The following OXNAD1 variants were observed in gnomAD, a reference collection of about 807,000 sequenced individuals.
OXNAD1 encodes the protein oxidoreductase NAD-binding domain-containing protein 1.
A neutral mutation model predicts 32.9 loss-of-function variants in OXNAD1; 34 were observed. The observed-to-expected ratio is 1.03, with a 90% CI of 0.79 to 1.38. The LOEUF (loss-of-function observed/expected upper bound fraction) is 1.38, where lower values mean the gene tolerates loss of function less well. Among genes scored for constraint, OXNAD1 ranks in the 40% most tolerant of loss-of-function variants. The pLI, the probability that OXNAD1 is intolerant of heterozygous loss-of-function variation, is 0.00. For synonymous variants in OXNAD1, 134 were observed against 135.2 expected (o/e 0.99, Z 0.06); for missense variants, 407 against 379.4 (o/e 1.07, Z -0.60).
rs781559227 is a variant in OXNAD1, at chr3:16,265,823, C to G, written c.-159+318C>G. On this transcript the variant is annotated intron_variant, in intron 1 of 8. Transcript: ENST00000285083. The surrounding 1 kb of genome is among the most constrained non-coding windows in gnomAD (Gnocchi z 4.8). The stretch of plus-strand genomic sequence containing the variant: ...CATACACCTGGGAAATAATGAAGAG[C>G]TTGTCTGTCTCCAAAGCCCAGGAAC... 1 of 970,748 alleles carries G rather than the reference C, an allele frequency of 1.0e-6. No individual in the cohort carries two copies. Among genetic ancestry groups the G allele is most frequent in the Non-Finnish European group, 1.2e-6 (1 of 816,692 alleles). The allele number at this position is 970,748 out of a possible 1,614,324, so 60.1% of individuals were successfully genotyped here.
Position 16,270,987 on chromosome 3 carries a change from T to C in OXNAD1, c.35T>C (p.Leu12Ser), listed in dbSNP as rs2064887571. 3.1e-6 allele frequency: 5 copies of C among 1,614,202 alleles called. No homozygotes were observed. In the East Asian group the frequency reaches 1.1e-4, roughly 36 times the overall value. Residue 12 changes from leucine (L) to serine (S), a missense_variant, in exon 3 of 9, where the codon TTG (leucine) becomes TCG (serine). Physicochemically the swap from Leu to Ser is moderately radical, Grantham distance 145. Transcript: ENST00000285083. Reference sequence around the variant, plus strand: ...GCTGCTGTTATGATTCCTGGGTTGTTGCGGTGCTCTGTTGGAGCCATCCGT... The same window carrying C: ...GCTGCTGTTATGATTCCTGGGTTGTCGCGGTGCTCTGTTGGAGCCATCCGT... Reference protein sequence around the residue: ...ACAAVMIPGLLRCSVGAIRIE... With the variant: ...ACAAVMIPGLSRCSVGAIRIE...
At chr3:16,281,570 A>C (rs2065741354) in intron 4 of OXNAD1, among the ~76,000 whole-genome samples, 1 of 152,214 alleles carries the variant, frequency 6.6e-6, no homozygotes, top group Non-Finnish European at 1.5e-5. Context: ...GGTAAGGGAT[A>C]CTCAGCCTGT....
intron 6 of OXNAD1, among the ~76,000 whole-genome samples, chr3:16,300,912 CCTT>C (rs1327347033): frequency 1.3e-5 from 2 of 152,184 alleles, no homozygotes; most frequent in Non-Finnish European, 2.9e-5. Context: ...TTCCCAAACA[CCTT>C]CATCAGAAGC....
intron 1 of OXNAD1, among the ~76,000 whole-genome samples, chr3:16,267,869 C>G (rs911527991): frequency 6.6e-6 from 1 of 152,180 alleles, no homozygotes; most frequent in Non-Finnish European, 1.5e-5. Flanking sequence ...GAACTGAAAC[C>G]ATATAATTAA....
rs1197786944 is a variant in OXNAD1, at chr3:16,348,650, C to G, written c.*31-526C>G. Among the ~76,000 whole-genome samples, 1 of 152,172 alleles carries G rather than the reference C, an allele frequency of 6.6e-6. No individual in the cohort carries two copies. Among genetic ancestry groups the G allele is most frequent in the African/African-American group, 2.4e-5 (1 of 41,436 alleles). On this transcript the variant is annotated intron_variant, in intron 9 of 9. Coordinates refer to the OXNAD1 transcript ENST00000606098. This position sits in a 1 kb window ranked among gnomAD's most constrained non-coding sequence, Gnocchi z 6.3. ...GATGTGTGGGGCCTCAGCAAATGCC[C>G]CTTTGCATCCTTGTTCCTGGGCATC...
chr3:16,270,744 G>A (rs1443707137), intron 2 of OXNAD1, among the ~76,000 whole-genome samples: 4 of 152,112 alleles, frequency 2.6e-5, no homozygotes, highest in African/African-American at 9.7e-5. Flanking sequence ...ATACATAATT[G>A]TGGAGATACC....
At chr3:16,270,506 C>T (rs745703266) in intron 2 of OXNAD1, among the ~76,000 whole-genome samples, 1 of 152,052 alleles carries the variant, frequency 6.6e-6, no homozygotes, top group Non-Finnish European at 1.5e-5. Context: ...TATCTGGAAA[C>T]CTTAAGCTTC....
rs1239649253 is a variant in OXNAD1 at position 16,265,543 on chromosome 3, A to G, written c.-159+38A>G. On this transcript the variant is annotated intron_variant, in intron 1 of 8. Transcript: ENST00000285083. The surrounding 1 kb of genome is among the most constrained non-coding windows in gnomAD (Gnocchi z 4.8). ...TCTTCCTCACCCCAGACGCCTTAAA[A>G]TACCCTAAATTGTGTTGCTGAAAGG... is the stretch of plus-strand genomic sequence containing the variant. 1.3e-5 allele frequency: 2 copies of G among 152,444 alleles called. No individual in the cohort carries two copies. The highest frequency in any genetic ancestry group is 4.1e-4 in the South Asian group (2 of 4,868). The allele number at this position is 152,444 out of a possible 1,614,324, so 9.4% of individuals were successfully genotyped here. A position where few individuals can be genotyped will look rare whatever the true frequency, so the allele number is the denominator to read the frequency against.
At chr3:16,273,193 A>G (rs1267125941) in intron 4 of OXNAD1, among the ~76,000 whole-genome samples, 1 of 152,174 alleles carries the variant, frequency 6.6e-6, no homozygotes, top group Admixed American at 6.5e-5. Context: ...GCAAAAAAGA[A>G]TCATCAAGCA....
rs1196479235 is a variant in OXNAD1, at chr3:16,271,688, A to C, written c.149A>C (p.His50Pro). 29 of 1,607,286 alleles carry C rather than the reference A, an allele frequency of 1.8e-5. No homozygotes were observed. Among genetic ancestry groups the C allele is most frequent in the Non-Finnish European group, 2.3e-5 (27 of 1,178,404 alleles). Residue 50 changes from histidine to proline, a missense_variant, in exon 4 of 9, where the codon CAC (histidine) becomes CCC (proline). Coordinates refer to ENST00000285083, the MANE Select transcript of OXNAD1 (RefSeq NM_138381.5). This position sits in a 1 kb window ranked among gnomAD's most constrained non-coding sequence, Gnocchi z 4.6. ...SIMKSKRKTD[H>P]MERTASVLRR... The stretch of plus-strand genomic sequence containing the variant: ...ATGAAATCCAAAAGGAAAACTGATC[A>C]CATGGAGAGAACTGCAAGTGTCCTT...
chr3:16,280,157 CTGT>C lies in OXNAD1; in HGVS notation c.184-6174_184-6172del, dbSNP rs920647642. 1.3e-4 allele frequency among the ~76,000 whole-genome samples: 20 copies of C among 152,156 alleles called. No homozygotes were observed. Among genetic ancestry groups the C allele is most frequent in the Admixed American group, 8.5e-4 (13 of 15,272 alleles). ...TAAGGATGTCTATAAGTGTTTGCTG[CTGT>C]TGTTGTTGTTACATGTTACATGAGG... On this transcript the variant is annotated intron_variant, in intron 4 of 8. Transcript: ENST00000285083. The surrounding 1 kb of genome is among the most constrained non-coding windows in gnomAD (Gnocchi z 4.5).
In OXNAD1 at chr3:16,335,178, A is replaced by G. The variant is rs2070726693; in HGVS notation, c.*31-1934A>G. On this transcript the variant is annotated intron_variant, in intron 9 of 9. Transcript: ENST00000435829. This position sits in a 1 kb window ranked among gnomAD's most constrained non-coding sequence, Gnocchi z 4.7. ...TGCCGCAGCAACAGGAAATTAATCC[A>G]CAGCTCAGGGCCAGGAAAAGGCTGG... 6.6e-6 allele frequency among the ~76,000 whole-genome samples: 1 copy of G among 152,228 alleles called. No homozygotes were observed. Among genetic ancestry groups the G allele is most frequent in the Non-Finnish European group, 1.5e-5 (1 of 68,038 alleles).
chr3:16,314,864 A>G lies in OXNAD1; in HGVS notation c.*30+11272A>G, dbSNP rs1253513338. On this transcript the variant is annotated intron_variant, in intron 9 of 9. Coordinates refer to the OXNAD1 transcript ENST00000435829. This position sits in a 1 kb window ranked among gnomAD's most constrained non-coding sequence, Gnocchi z 4.4. ...CCTGGCCTGTTGCTGACTAGCATATATTTTTAAAATCATGATCCTTTAAGA... is the reference window on the plus strand; with the variant it reads ...CCTGGCCTGTTGCTGACTAGCATATGTTTTTAAAATCATGATCCTTTAAGA... 2 of 152,222 alleles carry G rather than the reference A, an allele frequency of 1.3e-5. No homozygotes were observed. The highest frequency in any genetic ancestry group is 2.9e-5 in the Non-Finnish European group (2 of 68,030). 9.4% of individuals were successfully genotyped at this position (152,222 alleles called of 1,614,324 possible).
At chr3:16,347,581 C>T (rs2071813648) in intron 9 of OXNAD1, 2 of 152,226 alleles carry the variant, frequency 1.3e-5, no homozygotes, top group Admixed American at 1.3e-4. Flanking sequence ...TAAAATCTCC[C>T]TCTGCCTCTC....
chr3:16,295,521 C>A (rs889877361), intron 6 of OXNAD1, among the ~76,000 whole-genome samples: 23 of 152,156 alleles, frequency 1.5e-4, no homozygotes, highest in Non-Finnish European at 2.8e-4. Context: ...CTGTTAATAA[C>A]TCTTATTTCA....
At chr3:16,343,420 G>A (rs756348380) in intron 9 of OXNAD1, among the ~76,000 whole-genome samples, 4 of 152,188 alleles carry the variant, frequency 2.6e-5, no homozygotes, top group Non-Finnish European at 5.9e-5. Flanking sequence ...ATATGAGGAA[G>A]CCAGCTACCT....
At position 16,312,166 on chromosome 3, in the gene OXNAD1, C is replaced by T. The variant is rs2068023463; in HGVS notation, c.*30+8574C>T. Among the ~76,000 whole-genome samples, 1 of 152,192 alleles carries T rather than the reference C, an allele frequency of 6.6e-6. No homozygotes were observed. Among genetic ancestry groups the T allele is most frequent in the African/African-American group, 2.4e-5 (1 of 41,442 alleles). ...CCTGTGGTGAACATCACTTTGCTTCCTTCTCTGGCAACAGCTGCCTCAGAA... is the reference window on the plus strand; with the variant it reads ...CCTGTGGTGAACATCACTTTGCTTCTTTCTCTGGCAACAGCTGCCTCAGAA... On this transcript the variant is annotated intron_variant, in intron 9 of 9. Coordinates refer to the OXNAD1 transcript ENST00000435829. This position sits in a 1 kb window ranked among gnomAD's most constrained non-coding sequence, Gnocchi z 4.7.
chr3:16,293,670 CTT>C (rs1381203387), intron 5 of OXNAD1, among the ~76,000 whole-genome samples: 1 of 151,804 alleles, frequency 6.6e-6, no homozygotes, highest in East Asian at 1.9e-4. Flanking sequence ...TGTTTACTCA[CTT>C]TGGCTAGAAC....
At position 16,316,397 on chromosome 3, in the gene OXNAD1, G is replaced by A. The variant is rs544975035; in HGVS notation, c.*30+12805G>A. 104 of 204,452 alleles carry A rather than the reference G, an allele frequency of 5.1e-4. No individual in the cohort carries two copies. The highest frequency in any genetic ancestry group is 2.1e-3 in the African/African-American group (88 of 41,968). The allele number at this position is 204,452 out of a possible 1,614,324, so 12.7% of individuals were successfully genotyped here. A position where few individuals can be genotyped will look rare whatever the true frequency, so the allele number is the denominator to read the frequency against. On this transcript the variant is annotated intron_variant, in intron 9 of 9. Coordinates refer to the OXNAD1 transcript ENST00000435829. The surrounding 1 kb of genome is among the most constrained non-coding windows in gnomAD (Gnocchi z 4.5). ...GGAGTTGTTAAGTCACCAAGTAGCTGCAGGGGATGGACACTGCCCCACACG... is the reference window on the plus strand; with the variant it reads ...GGAGTTGTTAAGTCACCAAGTAGCTACAGGGGATGGACACTGCCCCACACG...
Sources: allele counts gnomAD v4.1 joint callset (sites outside exome capture counted in the v4.1 genomes callset), GRCh38; gene constraint gnomAD v4.1.1; non-coding constraint Gnocchi (gnomAD v3.1); transcripts MANE v1.5; gene names NCBI Gene and HGNC (gene_info 2026-07-23, HGNC 2026-07-21).